The following ARID1B variants were observed in gnomAD, a reference collection of about 807,000 sequenced individuals.
The protein encoded by ARID1B is AT-rich interaction domain 1B, also known as AT-rich interactive domain-containing protein 1B.
In ARID1B, 30 loss-of-function variants were observed where a neutral mutation model predicts 212.3. The observed-to-expected ratio is 0.14, with a 90% CI of 0.11 to 0.19. ARID1B has a LOEUF of 0.19. Ranked by LOEUF, ARID1B falls within the 10% of genes least tolerant of loss-of-function variation. The probability of loss-of-function intolerance (pLI) is 1.00; values close to 1 mark genes in which losing one functional copy is unlikely to be tolerated. For missense variants in ARID1B, 2,891 were observed against 3,204.0 expected (o/e 0.90, Z 2.36); for synonymous variants, 1,402 against 1,301.7 (o/e 1.08, Z -1.66).
chr6:156,944,788 T>C lies in ARID1B; in HGVS notation c.2247+9212T>C, dbSNP rs140759239. ...CACACTATGCTTTTTAAACCGAGAT[T>C]GACATGAATGGAAGTAGTAGCAACC... is the stretch of plus-strand genomic sequence containing the variant. On this transcript the variant is annotated intron_variant, in intron 4 of 19. Transcript: ENST00000636930. Among the ~76,000 whole-genome samples, 394 of 152,308 alleles carry C rather than the reference T, an allele frequency of 2.6e-3. 3 individuals carry two copies. The highest frequency in any genetic ancestry group is 9.3e-3 in the African/African-American group (385 of 41,564).
chr6:157,191,391 T>C (rs1793363681), intron 15 of ARID1B, among the ~76,000 whole-genome samples: 1 of 151,544 alleles, frequency 6.6e-6, no homozygotes, highest in South Asian at 2.1e-4. Context: ...GAACCTGGAG[T>C]CCCTCTGGGG....
At chr6:157,160,966 C>T (rs934902925) in intron 8 of ARID1B, among the ~76,000 whole-genome samples, 14 of 152,212 alleles carry the variant, frequency 9.2e-5, no homozygotes, top group Admixed American at 6.5e-4. Context: ...ACTTCGCACT[C>T]GCTGCCCTGG....
At chr6:157,205,170 T>C (rs1042808792) in intron 19 of ARID1B, 1 of 152,264 alleles carries the variant, frequency 6.6e-6, no homozygotes, top group South Asian at 2.1e-4. Flanking sequence ...CTTGGAACAT[T>C]GTGCCTTCAG....
intron 8 of ARID1B, among the ~76,000 whole-genome samples, chr6:157,162,040 C>T (rs1216009094): frequency 6.6e-6 from 1 of 152,200 alleles, no homozygotes; most frequent in Non-Finnish European, 1.5e-5. Flanking sequence ...GCTTCACTCA[C>T]AGGGTCTCCA....
chr6:156,948,473 C>A (rs1793332780), intron 4 of ARID1B, among the ~76,000 whole-genome samples: 1 of 152,188 alleles, frequency 6.6e-6, no homozygotes, highest in Admixed American at 6.5e-5. Flanking sequence ...CTCCTGGCCT[C>A]ATGTGGTCCT....
At chr6:156,823,597 AG>A (rs1782534694) in intron 1 of ARID1B, among the ~76,000 whole-genome samples, 1 of 151,752 alleles carries the variant, frequency 6.6e-6, no homozygotes, top group African/African-American at 2.4e-5. Context: ...AAGAGGGAAG[AG>A]TTTTCTATCA....
chr6:156,867,091 A>G (rs1346078454), intron 2 of ARID1B, among the ~76,000 whole-genome samples: 3 of 152,206 alleles, frequency 2.0e-5, no homozygotes, highest in South Asian at 4.1e-4. Context: ...TCTTTCAGCC[A>G]TCCATTGCAT....
At chr6:156,853,219 G>A (rs1366241570) in intron 2 of ARID1B, among the ~76,000 whole-genome samples, 2 of 152,240 alleles carry the variant, frequency 1.3e-5, no homozygotes, top group East Asian at 1.9e-4. Flanking sequence ...AAGTATGCCT[G>A]TATTGAAATG....
chr6:157,105,139 G>A (rs144176218), intron 5 of ARID1B, among the ~76,000 whole-genome samples: 232 of 152,202 alleles, frequency 1.5e-3, no homozygotes, highest in African/African-American at 4.7e-3. Flanking sequence ...GGGGAGCCAC[G>A]TGCAAAGAGA....
At chr6:156,957,085 A>G (rs960791461) in intron 4 of ARID1B, among the ~76,000 whole-genome samples, 5 of 152,208 alleles carry the variant, frequency 3.3e-5, no homozygotes, top group African/African-American at 1.2e-4. Context: ...CAAGGATACA[A>G]GAGATTGAAG....
intron 2 of ARID1B, among the ~76,000 whole-genome samples, chr6:156,894,286 C>T (rs868265713): frequency 2.1e-4 from 5 of 24,146 alleles, no homozygotes; most frequent in Admixed American, 1.9e-3. Context: ...GGATGGGGGC[C>T]GGGGGGTTGG....
intron 16 of ARID1B, 126 bp from the exon 17 acceptor site, chr6:157,198,685 A>G: frequency 1.4e-6 from 1 of 690,538 alleles, no homozygotes; most frequent in Non-Finnish European, 2.4e-6. Flanking sequence ...CCTTTGTCGG[A>G]GGGGTGCGCA....
chr6:156,812,157 G>T (rs150446264), intron 1 of ARID1B, among the ~76,000 whole-genome samples: 1 of 152,040 alleles, frequency 6.6e-6, no homozygotes, highest in Non-Finnish European at 1.5e-5. Context: ...TTTGAAACAG[G>T]GTCTTCCTTT....
At chr6:156,902,989 A>C (rs922398170) in intron 3 of ARID1B, among the ~76,000 whole-genome samples, 1 of 152,126 alleles carries the variant, frequency 6.6e-6, no homozygotes, top group Non-Finnish European at 1.5e-5. Flanking sequence ...CATGTCATCA[A>C]AATTTAAGGA....
chr6:156,882,142 A>C (rs1323588551), intron 2 of ARID1B, among the ~76,000 whole-genome samples: 1 of 152,012 alleles, frequency 6.6e-6, no homozygotes, highest in African/African-American at 2.4e-5. Context: ...GCTGGGTTGC[A>C]GCTGTTCAAC....
At chr6:156,893,045 C>CTTTTTCTTTTTTTTTTTTTTTTTTTTTT (rs1788070843) in intron 2 of ARID1B, among the ~76,000 whole-genome samples, 1 of 85,924 alleles carries the variant, frequency 1.2e-5, no homozygotes, top group African/African-American at 4.7e-5. Flanking sequence ...TTTTTTCTTC[C>CTTTTTCTTTTTTTTTTTTTTTTTTTTTT]TTTTTTTTTT....
intron 4 of ARID1B, chr6:157,022,570 C>G (rs2128478618): frequency 6.6e-6 from 1 of 152,308 alleles, no homozygotes. Context: ...CATTTGACGA[C>G]TTTTTCAAGT....
In ARID1B at chr6:156,908,726, A is replaced by G. The variant is rs573160630; in HGVS notation, c.2136+7201A>G. 4.7e-4 allele frequency among the ~76,000 whole-genome samples: 71 copies of G among 152,064 alleles called. 2 individuals carry two copies. The South Asian group carries it at 0.012, about 26-fold the overall frequency. On this transcript the variant is annotated intron_variant, in intron 3 of 19. Transcript: ENST00000636930. ...TTTTGTTCTCTTTTAGTTCTAAGAA[A>G]TTTCTTGTTTTTCTAAATTGCTTAT...
intron 3 of ARID1B, among the ~76,000 whole-genome samples, chr6:156,915,204 G>T (rs1790247993): frequency 6.6e-6 from 1 of 152,166 alleles, no homozygotes; most frequent in Non-Finnish European, 1.5e-5. Flanking sequence ...TGGTTCCTTT[G>T]TGCAGTATAG....
Sources: allele counts gnomAD v4.1 joint callset (sites outside exome capture counted in the v4.1 genomes callset), GRCh38; gene constraint gnomAD v4.1.1; transcripts MANE v1.5; gene names NCBI Gene and HGNC (gene_info 2026-07-23, HGNC 2026-07-21).